VPS13C: variants seen among roughly 807,000 people sequenced by gnomAD.
VPS13C encodes the protein vacuolar protein sorting 13 homolog C, also known as intermembrane lipid transfer protein VPS13C.
In VPS13C, 358 loss-of-function variants were observed where a neutral mutation model predicts 456.8. The observed-to-expected ratio is 0.78, with a 90% CI of 0.72 to 0.86. The LOEUF is 0.86. VPS13C is among the 40% of genes least tolerant of loss of function. The pLI is 0.00. For synonymous variants in VPS13C, 1,578 were observed against 1,486.7 expected, an observed-to-expected ratio of 1.06 and a Z score of -1.41; for missense variants, 4,818 against 4,385.4, an observed-to-expected ratio of 1.10 and a Z score of -2.79.
chr15:62,013,355 C>T (rs2047114599), intron 10 of VPS13C, among the ~76,000 whole-genome samples: 4 of 151,702 alleles, frequency 2.6e-5, no homozygotes, highest in Admixed American at 2.6e-4. Context: ...GGAACTCATT[C>T]ATTCAATTAT....
At chr15:62,001,425 C>G (rs2046610006) in intron 15 of VPS13C, among the ~76,000 whole-genome samples, 4 of 152,150 alleles carry the variant, frequency 2.6e-5, no homozygotes, top group Admixed American at 2.0e-4. Context: ...AGAAATAGTT[C>G]TATAACTGAA....
chr15:61,903,882 A>G (rs1454037743), intron 66 of VPS13C, among the ~76,000 whole-genome samples: 1 of 152,186 alleles, frequency 6.6e-6, no homozygotes, highest in Non-Finnish European at 1.5e-5. Flanking sequence ...TACTGGAAAA[A>G]GACAGTGTCT....
chr15:61,942,092 G>T, intron 45 of VPS13C, 25 bp from the exon 46 acceptor site: 1 of 1,498,882 alleles, frequency 6.7e-7, no homozygotes, highest in Non-Finnish European at 8.9e-7. Flanking sequence ...AGATATTTAG[G>T]GGAAAAAAGG....
intron 81 of VPS13C, chr15:61,864,441 T>C (rs1894400619): frequency 9.3e-6 from 8 of 856,496 alleles, no homozygotes; most frequent in Non-Finnish European, 1.1e-5. Context: ...TTATATATAA[T>C]GCATGGCTGA....
intron 1 of VPS13C, among the ~76,000 whole-genome samples, chr15:62,058,645 C>T (rs527751442): frequency 6.7e-6 from 1 of 149,790 alleles, no homozygotes; most frequent in Admixed American, 6.6e-5. Flanking sequence ...CTTGAGCAAC[C>T]TCCAATTTTG....
Position 61,890,192 on chromosome 15 carries a change from T to G in VPS13C, c.9314A>C (p.Gln3105Pro). 6.2e-7 allele frequency: 1 copy of G among 1,614,136 alleles called. No homozygotes were observed. The stretch of plus-strand genomic sequence containing the variant: ...GGTTATCCCAATATAGGAAACTTCC[T>G]GCTTGCTTTCATTGTTAACCAGTGA... Reference protein sequence around the residue: ...GLSLVNNESKQEVSYIGITSS... With the variant: ...GLSLVNNESKPEVSYIGITSS... Residue 3105 changes from glutamine to proline, a missense_variant, in exon 67 of 85, where the codon CAG (glutamine) becomes CCG (proline). By Grantham distance (76) the Gln-to-Pro change is moderately conservative. This residue lies in a region of VPS13C where 4,552 missense variants were observed against 4,130.6 expected (regional missense o/e 1.10). Coordinates refer to ENST00000644861, the MANE Select transcript of VPS13C (RefSeq NM_020821.3).
rs2044820351 is a variant in VPS13C, at chr15:61,952,108, A to C, written c.4300-128T>G. 5.5e-6 allele frequency: 6 copies of C among 1,081,316 alleles called. No individual in the cohort carries two copies. In the Admixed American group the frequency reaches 1.6e-4, roughly 28 times the overall value. The allele number at this position is 1,081,316 out of a possible 1,614,324, so 67.0% of individuals were successfully genotyped here. The stretch of plus-strand genomic sequence containing the variant: ...ACACAATGTTAAGATGTGTACTTCT[A>C]TTTGTGCCTGCAGTTTGGCATGATT... On this transcript the variant is annotated intron_variant, in intron 38 of 84. Coordinates refer to ENST00000644861, the MANE Select transcript of VPS13C (RefSeq NM_020821.3).
intron 1 of VPS13C, among the ~76,000 whole-genome samples, chr15:62,054,595 G>C (rs140526514): frequency 6.6e-6 from 1 of 152,108 alleles, no homozygotes; most frequent in African/African-American, 2.4e-5. Flanking sequence ...AGGGGAGGGA[G>C]AGTATTAGGA....
At position 62,010,516 on chromosome 15, in the gene VPS13C, T is replaced by C. The variant is rs866128781; in HGVS notation, c.967A>G (p.Asn323Asp). 3 of 1,613,528 alleles carry C rather than the reference T, an allele frequency of 1.9e-6. No individual in the cohort carries two copies. The highest frequency in any genetic ancestry group is 1.7e-4 in the Middle Eastern group (1 of 6,056). ...SELKTPKLDC[N>D]IEIQNIAIEL... ...ATGGCAATATTTTGTATTTCTATGT[T>C]GCAATCCAGTTTGGGCGTTTTGAGC... Residue 323 changes from asparagine to aspartate, a missense_variant, in exon 13 of 85, where the codon AAC becomes GAC. Around this residue, in one of 3 missense-constraint regions of VPS13C, gnomAD observed 4,552 missense variants for 4,130.6 expected, o/e 1.10. Transcript: ENST00000644861.
rs2047129388 is a variant in VPS13C, at chr15:62,013,805, G to A, written c.744+128C>T. 19 of 619,468 alleles carry A rather than the reference G, an allele frequency of 3.1e-5. No homozygotes were observed. In the South Asian group the frequency reaches 4.8e-4, roughly 16 times the overall value. The allele number at this position is 619,468 out of a possible 1,614,324, so 38.4% of individuals were successfully genotyped here. On this transcript the variant is annotated intron_variant, in intron 10 of 84. Coordinates refer to ENST00000644861, the MANE Select transcript of VPS13C (RefSeq NM_020821.3). The stretch of plus-strand genomic sequence containing the variant: ...CAGAGGGTCACATAGTAAGTAGCAG[G>A]GCCAAAACTAGACCCTAGACTTTTA...
chr15:61,973,196 C>CA (rs1409617200), intron 26 of VPS13C, among the ~76,000 whole-genome samples: 2 of 151,368 alleles, frequency 1.3e-5, no homozygotes, highest in East Asian at 1.9e-4. Flanking sequence ...AGATTGGGGC[C>CA]AAAAAAAGTA....
At chr15:61,882,202 C>T (rs16944676) in intron 69 of VPS13C, among the ~76,000 whole-genome samples, 3,298 of 152,132 alleles carry the variant, frequency 0.022, 40 homozygotes, top group Middle Eastern at 0.048. Context: ...CTAAACAGTA[C>T]TTAACAGCTA....
chr15:62,002,149 T>A (rs1362287403), intron 15 of VPS13C, among the ~76,000 whole-genome samples: 1 of 152,166 alleles, frequency 6.6e-6, no homozygotes, highest in Non-Finnish European at 1.5e-5. Flanking sequence ...TGTAAAGGTG[T>A]TCCTATTTCT....
At chr15:62,028,917 T>C (rs1210137042) in intron 5 of VPS13C, among the ~76,000 whole-genome samples, 1 of 152,138 alleles carries the variant, frequency 6.6e-6, no homozygotes, top group Non-Finnish European at 1.5e-5. Context: ...GATGGCTACA[T>C]AGCATCTTCT....
intron 66 of VPS13C, among the ~76,000 whole-genome samples, chr15:61,897,290 G>A (rs555177345): frequency 4.6e-5 from 7 of 152,270 alleles, no homozygotes; most frequent in Admixed American, 6.5e-5. Context: ...GGCTTCAGAC[G>A]ATCAAATTAC....
chr15:62,036,582 A>G (rs750434700), intron 3 of VPS13C, among the ~76,000 whole-genome samples: 4 of 152,110 alleles, frequency 2.6e-5, no homozygotes, highest in Non-Finnish European at 5.9e-5. Flanking sequence ...TTTTATATTT[A>G]CAATAGGTAC....
intron 15 of VPS13C, 109 bp from the exon 16 acceptor site, chr15:62,000,735 T>C: frequency 5.2e-6 from 4 of 762,358 alleles, no homozygotes; most frequent in Non-Finnish European, 6.0e-6. Flanking sequence ...ACCTGTGACC[T>C]AATGAAAGTA....
intron 1 of VPS13C, among the ~76,000 whole-genome samples, chr15:62,058,573 A>G (rs35785804): frequency 0.061 from 9,228 of 152,302 alleles, 349 homozygotes; most frequent in Non-Finnish European, 0.084. Flanking sequence ...AGAGATGACC[A>G]AAAGTATACA....
chr15:61,919,513 T>C lies in VPS13C; in HGVS notation c.7478-64A>G, dbSNP rs1403291148. The C allele has an allele frequency of 1.5e-5, 21 of 1,377,178 alleles. No individual in the cohort carries two copies. The African/African-American group carries it at 2.7e-4, about 18-fold the overall frequency. 85.3% of individuals were successfully genotyped at this position (1,377,178 alleles called of 1,614,324 possible). ...ATTTGCCAATGTTTCTCTATAACAA[T>C]CATTAGTACCTCAAAATAATGAAGA... On this transcript the variant is annotated intron_variant, in intron 57 of 84. Coordinates refer to ENST00000644861, the MANE Select transcript of VPS13C (RefSeq NM_020821.3).
Sources: gnomAD v4.1 joint callset for allele counts (sites outside exome capture counted in the v4.1 genomes callset) on GRCh38, gnomAD v4.1.1 for gene constraint, gnomAD v4.1.1 regional missense constraint, MANE v1.5 for transcripts, NCBI Gene and HGNC (gene_info 2026-07-23, HGNC 2026-07-21) for gene names.